Variants in MMS22L observed in about 807,000 individuals in gnomAD.
MMS22L encodes the protein MMS22 like, DNA repair protein.
A neutral mutation model predicts 159.1 loss-of-function variants in MMS22L; 74 were observed. The observed-to-expected ratio is 0.47, with a 90% CI of 0.39 to 0.56. The LOEUF (loss-of-function observed/expected upper bound fraction) is 0.56. Ranked by LOEUF, MMS22L falls within the 20% of genes least tolerant of loss-of-function variation. The pLI is 0.00. For missense variants in MMS22L, 1,351 were observed against 1,422.1 expected (o/e 0.95, Z 0.80); for synonymous variants, 517 against 506.9 (o/e 1.02, Z -0.27).
In MMS22L at chr6:97,268,049, C is replaced by A. The variant is rs376755987; in HGVS notation, c.698-47G>T. ...TTTTAAAATACAGATTTTACTAAGT[C>A]AGAAAGGAAAAAGTGACTGTACATC... On this transcript the variant is annotated intron_variant, in intron 7 of 24. Transcript: ENST00000683635. The A allele has an allele frequency of 6.2e-5, 82 of 1,316,164 alleles. No individual in the cohort carries two copies. The African/African-American group carries it at 1.0e-3, about 17-fold the overall frequency. The allele number at this position is 1,316,164 out of a possible 1,614,324, so 81.5% of individuals were successfully genotyped here.
At chr6:97,248,316 C>T (rs907882345) in intron 10 of MMS22L, among the ~76,000 whole-genome samples, 2 of 152,234 alleles carry the variant, frequency 1.3e-5, no homozygotes, top group African/African-American at 4.8e-5. Context: ...AGCTTCACTG[C>T]AACCTCATGA....
chr6:97,229,543 C>CT (rs1810633244), intron 13 of MMS22L, 140 bp from the exon 14 acceptor site: 1 of 634,528 alleles, frequency 1.6e-6, no homozygotes, highest in Non-Finnish European at 2.6e-6. Flanking sequence ...TGCCTTGTCA[C>CT]TTTTTTTACT....
chr6:97,222,646 T>G (rs753372490), intron 14 of MMS22L, among the ~76,000 whole-genome samples: 2 of 152,056 alleles, frequency 1.3e-5, no homozygotes, highest in Admixed American at 6.6e-5. Flanking sequence ...AATGGTATTT[T>G]CAGATGCCAA....
At chr6:97,267,821 G>A in intron 8 of MMS22L, 51 bp downstream of exon 8, 1 of 1,475,282 alleles carries the variant, frequency 6.8e-7, no homozygotes, top group Non-Finnish European at 9.0e-7. Context: ...CATGCATTAA[G>A]GACTGAATAC....
At chr6:97,225,861 A>G (rs1810192542) in intron 14 of MMS22L, among the ~76,000 whole-genome samples, 1 of 152,084 alleles carries the variant, frequency 6.6e-6, no homozygotes, top group African/African-American at 2.4e-5. Context: ...ATAAGCCACC[A>G]CGCCCAGCCT....
At chr6:97,192,413 C>A (rs982963596) in intron 14 of MMS22L, among the ~76,000 whole-genome samples, 1 of 152,126 alleles carries the variant, frequency 6.6e-6, no homozygotes, top group Non-Finnish European at 1.5e-5. Context: ...AACTACTAAG[C>A]CTCAGTTTTT....
At chr6:97,276,465 C>T (rs1562531857) in intron 4 of MMS22L, among the ~76,000 whole-genome samples, 1 of 152,062 alleles carries the variant, frequency 6.6e-6, no homozygotes, top group South Asian at 2.1e-4. Context: ...TATTTTGGTT[C>T]TTTCCACTAT....
chr6:97,176,702 A>G (rs901513348), intron 18 of MMS22L, among the ~76,000 whole-genome samples: 1 of 152,186 alleles, frequency 6.6e-6, no homozygotes, highest in African/African-American at 2.4e-5. Context: ...CCTGGCAGGT[A>G]GTGTTTCACA....
intron 14 of MMS22L, among the ~76,000 whole-genome samples, chr6:97,204,049 T>C (rs1807478387): frequency 1.3e-5 from 2 of 152,190 alleles, no homozygotes; most frequent in Admixed American, 6.5e-5. Context: ...CAGTGAGGAA[T>C]GCCAAACCCT....
chr6:97,226,711 A>G (rs1400023475), intron 14 of MMS22L, among the ~76,000 whole-genome samples: 1 of 152,056 alleles, frequency 6.6e-6, no homozygotes, highest in African/African-American at 2.4e-5. Context: ...GTGTATATAT[A>G]TGTATGTAGG....
At chr6:97,235,154 C>A (rs1286564227) in intron 11 of MMS22L, among the ~76,000 whole-genome samples, 3 of 152,020 alleles carry the variant, frequency 2.0e-5, no homozygotes, top group Non-Finnish European at 2.9e-5. Flanking sequence ...GGCGACTGTG[C>A]GAAACTATAA....
At chr6:97,174,856 A>C (rs1803967266) in intron 18 of MMS22L, among the ~76,000 whole-genome samples, 1 of 152,206 alleles carries the variant, frequency 6.6e-6, no homozygotes, top group African/African-American at 2.4e-5. Context: ...CTGACAATAA[A>C]ATGTGAAATG....
chr6:97,246,919 T>G (rs1215051857), intron 10 of MMS22L, among the ~76,000 whole-genome samples: 2 of 151,992 alleles, frequency 1.3e-5, no homozygotes, highest in Non-Finnish European at 2.9e-5. Context: ...GTAACAGTGG[T>G]GCTTCAGTAA....
At chr6:97,230,107 G>GT (rs1003047331) in intron 13 of MMS22L, among the ~76,000 whole-genome samples, 5 of 151,588 alleles carry the variant, frequency 3.3e-5, no homozygotes, top group Admixed American at 2.6e-4. Context: ...TTTGTTTTTT[G>GT]TTTTTTTGAG....
chr6:97,152,003 G>A (rs1230987768), intron 22 of MMS22L, 136 bp from the exon 23 acceptor site: 2 of 582,568 alleles, frequency 3.4e-6, no homozygotes, highest in African/African-American at 1.9e-5. Context: ...TTTTCAAAAT[G>A]AAATAGTTCT....
intron 7 of MMS22L, 111 bp from the exon 8 acceptor site, chr6:97,268,113 T>A: frequency 1.3e-6 from 1 of 758,956 alleles, no homozygotes; most frequent in Admixed American, 3.9e-5. Context: ...AGTTTTTAAT[T>A]TTTTTTTGCA....
chr6:97,257,139 TTTC>T (rs1813899765), intron 9 of MMS22L, among the ~76,000 whole-genome samples: 1 of 152,172 alleles, frequency 6.6e-6, no homozygotes, highest in Admixed American at 6.5e-5. Context: ...CAAGTCATTT[TTTC>T]TTCAAATATT....
chr6:97,279,938 G>A (rs1816610729), intron 3 of MMS22L, among the ~76,000 whole-genome samples: 1 of 152,140 alleles, frequency 6.6e-6, no homozygotes, highest in South Asian at 2.1e-4. Flanking sequence ...TATTTATCAT[G>A]TTCCATCTTA....
At chr6:97,213,814 T>C (rs537625429) in intron 14 of MMS22L, among the ~76,000 whole-genome samples, 2 of 152,218 alleles carry the variant, frequency 1.3e-5, no homozygotes, top group African/African-American at 2.4e-5. Context: ...CTAACAAGCA[T>C]AGAAAAAATA....
Sources: gnomAD v4.1 joint callset for allele counts (sites outside exome capture counted in the v4.1 genomes callset) on GRCh38, gnomAD v4.1.1 for gene constraint, MANE v1.5 for transcripts, NCBI Gene and HGNC (gene_info 2026-07-23, HGNC 2026-07-21) for gene names.